KIAA1217: variants seen among roughly 807,000 people sequenced by gnomAD.
KIAA1217 encodes the protein KIAA1217, also known as sickle tail protein homolog.
In KIAA1217, 88 loss-of-function variants were observed where a neutral mutation model predicts 163.9. The ratio of observed to expected loss-of-function variants is 0.54; its 90% CI spans 0.45 to 0.64. The LOEUF (loss-of-function observed/expected upper bound fraction) is 0.64, where lower values mean the gene tolerates loss of function less well. KIAA1217 is among the 30% of genes least tolerant of loss of function. The pLI, the probability that KIAA1217 is intolerant of heterozygous loss-of-function variation, is 0.00. For synonymous variants in KIAA1217, 903 were observed against 923.1 expected, an observed-to-expected ratio of 0.98 and a Z score of 0.39; for missense variants, 2,372 against 2,475.0, an observed-to-expected ratio of 0.96 and a Z score of 0.88.
At chr10:24,025,543 A>G (rs1245729188) in intron 2 of KIAA1217, among the ~76,000 whole-genome samples, 3 of 151,788 alleles carry the variant, frequency 2.0e-5, no homozygotes, top group Non-Finnish European at 4.4e-5. Context: ...TATTTTCTAC[A>G]TAAAATCTAG....
chr10:23,883,151 G>A (rs906736288), intron 1 of KIAA1217, among the ~76,000 whole-genome samples: 3 of 151,840 alleles, frequency 2.0e-5, no homozygotes, highest in African/African-American at 7.2e-5. Context: ...AAATAATACC[G>A]TGCTTTACTG....
chr10:24,096,249 T>A (rs2062156836), intron 2 of KIAA1217, among the ~76,000 whole-genome samples: 1 of 152,190 alleles, frequency 6.6e-6, no homozygotes, highest in Admixed American at 6.5e-5. Context: ...TTATCCTTAA[T>A]CTCCCTCTTT....
intron 1 of KIAA1217, among the ~76,000 whole-genome samples, chr10:23,754,543 A>T (rs1833825055): frequency 6.6e-6 from 1 of 152,168 alleles, no homozygotes; most frequent in Non-Finnish European, 1.5e-5. Context: ...GGATCTTCTG[A>T]TTCTGACAGC....
intron 2 of KIAA1217, among the ~76,000 whole-genome samples, chr10:24,326,172 C>T (rs912859560): frequency 6.6e-6 from 1 of 152,068 alleles, no homozygotes; most frequent in African/African-American, 2.4e-5. Flanking sequence ...TCATCAAGCT[C>T]GTTCATTATT....
chr10:24,523,813 G>A (rs1281612716), intron 12 of KIAA1217, among the ~76,000 whole-genome samples: 2 of 152,178 alleles, frequency 1.3e-5, no homozygotes, highest in African/African-American at 4.8e-5. Flanking sequence ...AGCTTCAAAT[G>A]ACTCCAAACA....
At chr10:23,821,195 C>T (rs1837608313) in intron 1 of KIAA1217, among the ~76,000 whole-genome samples, 1 of 151,564 alleles carries the variant, frequency 6.6e-6, no homozygotes, top group Non-Finnish European at 1.5e-5. Context: ...ATGTGTTTAC[C>T]TGCATGTATC....
chr10:23,856,977 C>T (rs547186962), intron 1 of KIAA1217, among the ~76,000 whole-genome samples: 2 of 152,334 alleles, frequency 1.3e-5, no homozygotes, highest in East Asian at 3.9e-4. Flanking sequence ...TGAGGCAATG[C>T]CTCGCCCTGC....
chr10:24,470,604 C>G (rs560916538), intron 5 of KIAA1217, among the ~76,000 whole-genome samples: 1 of 152,102 alleles, frequency 6.6e-6, no homozygotes, highest in Middle Eastern at 3.4e-3. Flanking sequence ...AATGGGAGCT[C>G]TGTGTGTGTT....
chr10:23,865,918 CTA>C (rs1840157806), intron 1 of KIAA1217, among the ~76,000 whole-genome samples: 1 of 152,120 alleles, frequency 6.6e-6, no homozygotes, highest in Non-Finnish European at 1.5e-5. Context: ...TCTGGATTCT[CTA>C]TTGATTTATT....
chr10:24,451,075 A>G (rs1349950128), intron 5 of KIAA1217, among the ~76,000 whole-genome samples: 1 of 152,238 alleles, frequency 6.6e-6, no homozygotes, highest in East Asian at 1.9e-4. Flanking sequence ...GAGCATAATG[A>G]AAACAGTGAA....
intron 2 of KIAA1217, among the ~76,000 whole-genome samples, chr10:24,100,497 T>G (rs927733179): frequency 6.6e-6 from 1 of 152,210 alleles, no homozygotes; most frequent in Non-Finnish European, 1.5e-5. Context: ...TAATAGGCCC[T>G]TTTTCAAGTC....
At chr10:24,088,403 G>A (rs1455716840) in intron 2 of KIAA1217, among the ~76,000 whole-genome samples, 2 of 115,722 alleles carry the variant, frequency 1.7e-5, no homozygotes, top group African/African-American at 5.2e-5. Context: ...CCATTAACTC[G>A]TCATTTACAT....
intron 1 of KIAA1217, among the ~76,000 whole-genome samples, chr10:23,702,996 T>A (rs1307166049): frequency 6.6e-6 from 1 of 152,022 alleles, no homozygotes. Flanking sequence ...AAAGCGCTTC[T>A]GGTTGCCTTT....
At chr10:23,747,392 T>C (rs942546817) in intron 1 of KIAA1217, among the ~76,000 whole-genome samples, 2 of 152,148 alleles carry the variant, frequency 1.3e-5, no homozygotes, top group African/African-American at 4.8e-5. Flanking sequence ...TCTCAGAGGT[T>C]TTATGAAGAT....
At chr10:24,285,415 T>C (rs1296498673) in intron 2 of KIAA1217, among the ~76,000 whole-genome samples, 3 of 152,178 alleles carry the variant, frequency 2.0e-5, no homozygotes, top group Non-Finnish European at 4.4e-5. Context: ...TGGTGATAAG[T>C]AGAGATCCAG....
chr10:23,711,944 C>T (rs1369531376), intron 1 of KIAA1217, among the ~76,000 whole-genome samples: 1 of 152,160 alleles, frequency 6.6e-6, no homozygotes, highest in African/African-American at 2.4e-5. Context: ...AACATGCTCC[C>T]TAAGTGAGTC....
intron 2 of KIAA1217, among the ~76,000 whole-genome samples, chr10:24,283,115 G>A (rs1208892685): frequency 2.0e-5 from 3 of 151,782 alleles, no homozygotes; most frequent in Admixed American, 6.6e-5. Flanking sequence ...TTACAGGCAT[G>A]AGCCACCGCA....
chr10:24,023,384 C>T (rs916217405), intron 2 of KIAA1217, among the ~76,000 whole-genome samples: 4 of 151,602 alleles, frequency 2.6e-5, no homozygotes, highest in African/African-American at 9.7e-5. Flanking sequence ...AGTTTTCCAT[C>T]TATGTATACA....
At chr10:23,701,855 C>A (rs1309344116) in intron 1 of KIAA1217, among the ~76,000 whole-genome samples, 1 of 152,156 alleles carries the variant, frequency 6.6e-6, no homozygotes, top group African/African-American at 2.4e-5. Context: ...GCATACTATA[C>A]AGATCGTAAT....
Sources: gnomAD v4.1 joint callset for allele counts (sites outside exome capture counted in the v4.1 genomes callset) on GRCh38, gnomAD v4.1.1 for gene constraint, MANE v1.5 for transcripts, NCBI Gene and HGNC (gene_info 2026-07-23, HGNC 2026-07-21) for gene names.